CHPT1: variants seen among roughly 807,000 people sequenced by gnomAD.
CHPT1 encodes the protein cholinephosphotransferase 1.
In CHPT1, 36 loss-of-function variants were observed where a neutral mutation model predicts 47.6. The ratio of observed to expected loss-of-function variants is 0.76; its 90% CI spans 0.58 to 1.00. The LOEUF (loss-of-function observed/expected upper bound fraction) is 1.00, where lower values mean the gene tolerates loss of function less well. CHPT1 is among the 50% of genes least tolerant of loss of function. The pLI is 0.00. For synonymous variants in CHPT1, 194 were observed against 186.3 expected (o/e 1.04, Z -0.33); for missense variants, 458 against 498.1 (o/e 0.92, Z 0.77).
intron 1 of CHPT1, among the ~76,000 whole-genome samples, chr12:101,707,734 G>C (rs1162366191): frequency 6.6e-6 from 1 of 152,120 alleles, no homozygotes; most frequent in Admixed American, 6.6e-5. Flanking sequence ...TGGGTATGTG[G>C]GGGGCAGGTG....
At chr12:101,704,733 A>G (rs1292068593) in intron 1 of CHPT1, among the ~76,000 whole-genome samples, 1 of 121,132 alleles carries the variant, frequency 8.3e-6, no homozygotes, top group Non-Finnish European at 1.7e-5. Flanking sequence ...TTTTTTCAAA[A>G]TATATTAAAA....
chr12:101,713,483 G>T lies in CHPT1; in HGVS notation c.274-607G>T, dbSNP rs1325466872. Reference sequence around the variant, plus strand: ...AAACACAGCATGATTGCTGGACTCTGTTCTGGTCATGGGACCTGCACTGTG... The same window carrying T: ...AAACACAGCATGATTGCTGGACTCTTTTCTGGTCATGGGACCTGCACTGTG... On this transcript the variant is annotated intron_variant, in intron 1 of 8. Transcript: ENST00000229266. Among the ~76,000 whole-genome samples the T allele has an allele frequency of 3.3e-5, 5 of 152,216 alleles. No homozygotes were observed. The East Asian group carries it at 9.6e-4, about 29-fold the overall frequency.
intron 1 of CHPT1, among the ~76,000 whole-genome samples, chr12:101,704,364 CTTAATA>C (rs1233875202): frequency 6.7e-6 from 1 of 149,980 alleles, no homozygotes; most frequent in Admixed American, 6.6e-5. Flanking sequence ...CTTACTCTGA[CTTAATA>C]TTTATAAAAT....
chr12:101,718,513 A>T (rs1134165), intron 4 of CHPT1, among the ~76,000 whole-genome samples: 14,887 of 152,134 alleles, frequency 0.098, 867 homozygotes, highest in Middle Eastern at 0.2. Context: ...GTAAAACTTT[A>T]GCCAGGCATG....
chr12:101,719,676 T>C, intron 4 of CHPT1: 1 of 345,480 alleles, frequency 2.9e-6, no homozygotes, highest in Non-Finnish European at 5.4e-6. Flanking sequence ...TGAACTATCC[T>C]TTTTCATGTT....
chr12:101,722,169 A>G (rs977319679), intron 5 of CHPT1, among the ~76,000 whole-genome samples: 5 of 152,156 alleles, frequency 3.3e-5, no homozygotes, highest in African/African-American at 7.2e-5. Flanking sequence ...TATTTTTCCA[A>G]CTTTTTTAGG....
At chr12:101,702,521 C>T (rs1951567781) in intron 1 of CHPT1, among the ~76,000 whole-genome samples, 1 of 152,086 alleles carries the variant, frequency 6.6e-6, no homozygotes, top group Non-Finnish European at 1.5e-5. Flanking sequence ...ATTTTAAACA[C>T]AGAATAAACC....
At chr12:101,720,396 A>G (rs752996453) in intron 5 of CHPT1, 142 bp downstream of exon 5, 6 of 723,776 alleles carry the variant, frequency 8.3e-6, no homozygotes, top group Non-Finnish European at 1.3e-5. Flanking sequence ...GGCACATAGT[A>G]CAAAAGCATT....
chr12:101,722,492 T>C (rs1478439527), intron 5 of CHPT1, among the ~76,000 whole-genome samples: 1 of 151,954 alleles, frequency 6.6e-6, no homozygotes, highest in Non-Finnish European at 1.5e-5. Context: ...GATTTTACAA[T>C]TTTACATAAA....
chr12:101,713,861 T>G (rs1951727924), intron 1 of CHPT1, among the ~76,000 whole-genome samples: 1 of 152,188 alleles, frequency 6.6e-6, no homozygotes, highest in South Asian at 2.1e-4. Flanking sequence ...TAATCCTTAC[T>G]CAGTTGTTTA....
chr12:101,723,462 A>G, intron 6 of CHPT1, 136 bp downstream of exon 6: 1 of 639,044 alleles, frequency 1.6e-6, no homozygotes, highest in Non-Finnish European at 2.6e-6. Flanking sequence ...TGCTCCAAGC[A>G]AAACTGTGAT....
At chr12:101,717,249 A>G (rs916271586) in intron 4 of CHPT1, 4 of 454,278 alleles carry the variant, frequency 8.8e-6, no homozygotes, top group African/African-American at 8.0e-5. Flanking sequence ...GAAGATTCCC[A>G]TATTAAGGAA....
In CHPT1 at chr12:101,723,238, A is replaced by T. The variant is rs1204058955; in HGVS notation, c.851A>T (p.Lys284Met). ...ATACTGGCAATAATGATCTATAAAA[A>T]GTCAGCAACTGATGTGTTTGAAAAG... ...IIILAIMIYK[K>M]SATDVFEKHP... Residue 284 changes from lysine (K) to methionine (M), a missense_variant, in exon 6 of 9, where the codon AAG (lysine) becomes ATG (methionine). Physicochemically the swap from Lys to Met is moderately conservative, Grantham distance 95. Transcript: ENST00000229266. 1 of 1,611,952 alleles carries T rather than the reference A, an allele frequency of 6.2e-7. No individual in the cohort carries two copies. The highest frequency in any genetic ancestry group is 1.7e-5 in the Admixed American group (1 of 60,004).
At chr12:101,700,281 G>A (rs1951533790) in intron 1 of CHPT1, among the ~76,000 whole-genome samples, 2 of 148,650 alleles carry the variant, frequency 1.3e-5, no homozygotes, top group Non-Finnish European at 3.0e-5. Flanking sequence ...TGATGGAAGA[G>A]GTACGTTTAT....
chr12:101,727,510 AG>A (rs1190709301), intron 8 of CHPT1: 1 of 149,642 alleles, frequency 6.7e-6, no homozygotes, highest in Non-Finnish European at 1.5e-5. Flanking sequence ...AAAAAAAAAA[AG>A]GAGTAATTTG....
chr12:101,712,876 G>A lies in CHPT1; in HGVS notation c.274-1214G>A. Among the ~76,000 whole-genome samples the A allele has an allele frequency of 1.3e-5, 2 of 148,328 alleles. 1 individual carries two copies. On this transcript the variant is annotated intron_variant, in intron 1 of 8. Coordinates refer to ENST00000229266, the MANE Select transcript of CHPT1 (RefSeq NM_020244.3). ...ACTTCTGTTCATATTGATTCTGATT[G>A]TATTCTGATTATATGGATTTTACTT...
intron 1 of CHPT1, among the ~76,000 whole-genome samples, chr12:101,700,042 A>G (rs1162456313): frequency 2.0e-5 from 3 of 152,248 alleles, no homozygotes; most frequent in African/African-American, 7.2e-5. Context: ...CACTCAACAC[A>G]TTAAAAATAT....
rs376585158 is a variant in CHPT1 at position 101,720,296 on chromosome 12, C to T, written c.780+42C>T. The T allele has an allele frequency of 4.0e-6, 6 of 1,518,022 alleles. No homozygotes were observed. In the African/African-American group the frequency reaches 5.6e-5, roughly 14 times the overall value. 94.0% of individuals were successfully genotyped at this position (1,518,022 alleles called of 1,614,324 possible). ...ATCATTCAGTGTCAATTTTATGATA[C>T]ATTTTCTTATCACCAGTTATAAAAA... On this transcript the variant is annotated intron_variant, in intron 5 of 8. Coordinates refer to ENST00000229266, the MANE Select transcript of CHPT1 (RefSeq NM_020244.3).
intron 8 of CHPT1, chr12:101,726,770 C>G (rs1049613704): frequency 1.8e-5 from 5 of 275,134 alleles, no homozygotes; most frequent in Non-Finnish European, 3.4e-5. Flanking sequence ...ATATTCAGAA[C>G]ATAAAGGATT....
Sources: allele counts gnomAD v4.1 joint callset (sites outside exome capture counted in the v4.1 genomes callset), GRCh38; gene constraint gnomAD v4.1.1; transcripts MANE v1.5; gene names NCBI Gene and HGNC (gene_info 2026-07-23, HGNC 2026-07-21).